ZNF48: variants seen among roughly 807,000 people sequenced by gnomAD.
ZNF48 encodes the protein zinc finger protein 48.
A neutral mutation model predicts 40.0 loss-of-function variants in ZNF48; 20 were observed. The observed-to-expected ratio is 0.50, with a 90% CI of 0.35 to 0.73. The LOEUF (loss-of-function observed/expected upper bound fraction) is 0.73, where lower values mean the gene tolerates loss of function less well. Among genes scored for constraint, ZNF48 ranks in the 30% least tolerant of loss-of-function variants. The pLI is 0.01. For synonymous variants in ZNF48, 298 were observed against 329.7 expected, an observed-to-expected ratio of 0.90 and a Z score of 1.04; for missense variants, 726 against 851.9, an observed-to-expected ratio of 0.85 and a Z score of 1.84.
chr16:30,397,426 A>T lies in ZNF48; in HGVS notation c.176A>T (p.Asp59Val). ...LGFKEEDLAP[D>V]HEVGNASLKP... is the part of the protein sequence containing the mutation. ...TTCAAGGAAGAAGATTTGGCTCCAG[A>T]TCATGAAGTAGGAAATGCCTCTCTC... is the stretch of plus-strand genomic sequence containing the variant. The change falls in exon 3 of 3, where the codon GAT becomes GTT. Residue 59 changes from aspartate to valine, a missense_variant. Coordinates refer to ENST00000613509, the MANE Select transcript of ZNF48 (RefSeq NM_001214909.2). The surrounding 1 kb of genome is among the most constrained non-coding windows in gnomAD (Gnocchi z 4.1). 1 of 1,614,120 alleles carries T rather than the reference A, an allele frequency of 6.2e-7. No homozygotes were observed. The highest frequency in any genetic ancestry group is 8.5e-7 in the Non-Finnish European group (1 of 1,180,014).
In ZNF48 at chr16:30,382,730, C is replaced by T. The variant is rs1008877214; in HGVS notation, c.-16+4320C>T. ...GACCCCTTTGCCCATCACCTGTCTA[C>T]GTACCTTCAACCCTCCATCCTTCAC... On this transcript the variant is annotated intron_variant, in intron 1 of 2. Transcript: ENST00000528032. This position sits in a 1 kb window ranked among gnomAD's most constrained non-coding sequence, Gnocchi z 4.8. 16 of 1,536,146 alleles carry T rather than the reference C, an allele frequency of 1.0e-5. No individual in the cohort carries two copies. The highest frequency in any genetic ancestry group is 3.3e-4 in the Middle Eastern group (2 of 6,010).
Position 30,382,550 on chromosome 16 carries a change from C to T in ZNF48, c.-16+4140C>T, listed in dbSNP as rs1412061314. Reference sequence around the variant, plus strand: ...CATGACTCCGCCAGCCATCACTGCACCTGCCGTCTCTCCCCACTTCCTCTG... The same window carrying T: ...CATGACTCCGCCAGCCATCACTGCATCTGCCGTCTCTCCCCACTTCCTCTG... On this transcript the variant is annotated intron_variant, in intron 1 of 2. Transcript: ENST00000528032. The surrounding 1 kb of genome is among the most constrained non-coding windows in gnomAD (Gnocchi z 4.8). The T allele has an allele frequency of 1.9e-6, 3 of 1,590,544 alleles. No homozygotes were observed. Among genetic ancestry groups the T allele is most frequent in the Admixed American group, 1.8e-5 (1 of 55,656 alleles).
At chr16:30,394,347 T>A (rs985689273), upstream of ZNF48, among the ~76,000 whole-genome samples, 2 of 152,118 alleles carry the variant, frequency 1.3e-5, no homozygotes, top group Non-Finnish European at 2.9e-5. Context: ...ACCCCCACCA[T>A]CATTGGCAGA....
In ZNF48 at chr16:30,382,898, G is replaced by T; in HGVS notation, c.-16+4488G>T. 2 of 1,004,818 alleles carry T rather than the reference G, an allele frequency of 2.0e-6. No individual in the cohort carries two copies. The highest frequency in any genetic ancestry group is 3.0e-6 in the Non-Finnish European group (2 of 663,178). The allele number at this position is 1,004,818 out of a possible 1,614,324, so 62.2% of individuals were successfully genotyped here. On this transcript the variant is annotated intron_variant, in intron 1 of 2. Transcript: ENST00000528032. This position sits in a 1 kb window ranked among gnomAD's most constrained non-coding sequence, Gnocchi z 4.8. Reference sequence around the variant, plus strand: ...GATTAGAAAACAGTTCCCAGGACGGGCAAGGTGGCTCTCGCCTGTAATCTC... The same window carrying T: ...GATTAGAAAACAGTTCCCAGGACGGTCAAGGTGGCTCTCGCCTGTAATCTC...
intron 1 of ZNF48, among the ~76,000 whole-genome samples, chr16:30,385,774 C>G (rs967030159): frequency 3.3e-5 from 5 of 151,978 alleles, no homozygotes; most frequent in Non-Finnish European, 5.9e-5. Flanking sequence ...GGGTTCAGAC[C>G]CTGATCAACT....
Position 30,381,608 on chromosome 16 carries a change from T to C in ZNF48, c.-16+3198T>C. The C allele has an allele frequency of 6.9e-7, 1 of 1,453,378 alleles. No individual in the cohort carries two copies. The highest frequency in any genetic ancestry group is 9.4e-7 in the Non-Finnish European group (1 of 1,061,552). 90.0% of individuals were successfully genotyped at this position (1,453,378 alleles called of 1,614,324 possible). A position where few individuals can be genotyped will look rare whatever the true frequency, so the allele number is the denominator to read the frequency against. On this transcript the variant is annotated intron_variant, in intron 1 of 2. Coordinates refer to the ZNF48 transcript ENST00000528032. This position sits in a 1 kb window ranked among gnomAD's most constrained non-coding sequence, Gnocchi z 4.3. ...ACATTAAGGGGAACTGGTGGGGGCC[T>C]AGGTGAGTCATCAAGAAGCACAGGG...
upstream of ZNF48, chr16:30,394,463 C>G (rs1446931890): frequency 6.6e-6 from 1 of 152,336 alleles, no homozygotes; most frequent in African/African-American, 2.4e-5. Flanking sequence ...GGAAACACAG[C>G]TCCAGCCAGG....
exon 1 of ZNF48, chr16:30,378,396 GA>G: frequency 6.6e-7 from 1 of 1,522,742 alleles, no homozygotes; most frequent in Non-Finnish European, 8.7e-7. Context: ...GAGGCCGACT[GA>G]AGGCGGAGCC....
In ZNF48 at chr16:30,381,164, G is replaced by A; in HGVS notation, c.-16+2754G>A. ...GGCCTGGGTTTCCTGGGGCATCAGAGCATCCGCTTTGCCAATGACTGGGAT... is the reference window on the plus strand; with the variant it reads ...GGCCTGGGTTTCCTGGGGCATCAGAACATCCGCTTTGCCAATGACTGGGAT... On this transcript the variant is annotated intron_variant, in intron 1 of 2. Coordinates refer to the ZNF48 transcript ENST00000528032. This position sits in a 1 kb window ranked among gnomAD's most constrained non-coding sequence, Gnocchi z 4.3. 1 of 1,614,102 alleles carries A rather than the reference G, an allele frequency of 6.2e-7. No homozygotes were observed. Among genetic ancestry groups the A allele is most frequent in the Non-Finnish European group, 8.5e-7 (1 of 1,179,990 alleles).
At position 30,397,287 on chromosome 16, in the gene ZNF48, C is replaced by G. The variant is rs370123560; in HGVS notation, c.80-43C>G. On this transcript the variant is annotated intron_variant, in intron 2 of 2. Transcript: ENST00000613509. This position sits in a 1 kb window ranked among gnomAD's most constrained non-coding sequence, Gnocchi z 4.1. The stretch of plus-strand genomic sequence containing the variant: ...AGAGGTTGCTGTCAAAGATAAGTAC[C>G]GAGCCAAAGGGGAGGGTCTACAACT... 6.5e-7 allele frequency: 1 copy of G among 1,548,234 alleles called. No individual in the cohort carries two copies. Among genetic ancestry groups the G allele is most frequent in the South Asian group, 1.2e-5 (1 of 80,374 alleles).
chr16:30,396,009 C>A (rs935887360), intron 2 of ZNF48, 136 bp downstream of exon 2: 1 of 931,298 alleles, frequency 1.1e-6, no homozygotes, highest in Non-Finnish European at 1.5e-6. Context: ...GGGGAGCTTT[C>A]GGAGCACCAA....
chr16:30,379,022 G>A, intron 1 of ZNF48: 2 of 1,612,742 alleles, frequency 1.2e-6, no homozygotes, highest in African/African-American at 1.3e-5. Context: ...TCTCACCTGC[G>A]GCTGGCTCGA....
intron 1 of ZNF48, chr16:30,378,742 C>G (rs920161834): frequency 6.4e-7 from 1 of 1,568,070 alleles, no homozygotes; most frequent in Non-Finnish European, 8.6e-7. Flanking sequence ...GGAGCGGGAC[C>G]TGAGGTTGTG....
rs1318905615 is a variant in ZNF48, at chr16:30,397,011, C to G, written c.80-319C>G. 6.6e-6 allele frequency among the ~76,000 whole-genome samples: 1 copy of G among 152,066 alleles called. No homozygotes were observed. The highest frequency in any genetic ancestry group is 6.6e-5 in the Admixed American group (1 of 15,230). On this transcript the variant is annotated intron_variant, in intron 2 of 2. Transcript: ENST00000613509. This position sits in a 1 kb window ranked among gnomAD's most constrained non-coding sequence, Gnocchi z 4.1. ...TGGCCTGGCTTTGCTACTTTCTAAC[C>G]TTTATAACCTCCAGCAAAAGGACTT...
rs371774163 is a variant in ZNF48, at chr16:30,381,851, G to A, written c.-16+3441G>A. 34 of 1,614,042 alleles carry A rather than the reference G, an allele frequency of 2.1e-5. No individual in the cohort carries two copies. Among genetic ancestry groups the A allele is most frequent in the Middle Eastern group, 1.6e-4 (1 of 6,084 alleles). On this transcript the variant is annotated intron_variant, in intron 1 of 2. Coordinates refer to the ZNF48 transcript ENST00000528032. The surrounding 1 kb of genome is among the most constrained non-coding windows in gnomAD (Gnocchi z 4.3). ...CCCCCTTCCTCAATCTCTACGCCCC[G>A]GCGCTCAATGGCCAGGGTCTGTGTC...
rs760747046 is a variant in ZNF48 at position 30,381,897 on chromosome 16, G to T, written c.-16+3487G>T. 6.2e-7 allele frequency: 1 copy of T among 1,613,964 alleles called. No individual in the cohort carries two copies. The highest frequency in any genetic ancestry group is 8.5e-7 in the Non-Finnish European group (1 of 1,179,968). ...GTGTCAAGCGAGCTGTGGGATGGGG[G>T]AGAGGTCAGGGATCCGGGGAGGCTC... On this transcript the variant is annotated intron_variant, in intron 1 of 2. Coordinates refer to the ZNF48 transcript ENST00000528032. This position sits in a 1 kb window ranked among gnomAD's most constrained non-coding sequence, Gnocchi z 4.3.
chr16:30,396,269 A>T (rs1173176250), intron 2 of ZNF48, among the ~76,000 whole-genome samples: 2 of 152,118 alleles, frequency 1.3e-5, no homozygotes, highest in African/African-American at 4.8e-5. Context: ...TAAAAGCCTT[A>T]GCTAGTGTCC....
chr16:30,388,502 G>A (rs2049917764), intron 1 of ZNF48, among the ~76,000 whole-genome samples: 1 of 152,084 alleles, frequency 6.6e-6, no homozygotes, highest in African/African-American at 2.4e-5. Flanking sequence ...TACAGCCACT[G>A]CACCCGGCCC....
Position 30,381,700 on chromosome 16 carries a change from ACT to A in ZNF48, c.-16+3294_-16+3295del. On this transcript the variant is annotated intron_variant, in intron 1 of 2. Transcript: ENST00000528032. This position sits in a 1 kb window ranked among gnomAD's most constrained non-coding sequence, Gnocchi z 4.3. ...GGAGCCAGCACAAACCAGTCCTGTAACTCTCCAGGGAGTCGCCACTGTGAAAG... is the reference window on the plus strand; with the variant it reads ...GGAGCCAGCACAAACCAGTCCTGTAACTCCAGGGAGTCGCCACTGTGAAAG... 1 of 1,600,354 alleles carries A rather than the reference ACT, an allele frequency of 6.2e-7. No individual in the cohort carries two copies. Among genetic ancestry groups the A allele is most frequent in the Non-Finnish European group, 8.5e-7 (1 of 1,173,370 alleles).
Sources: allele counts gnomAD v4.1 joint callset (sites outside exome capture counted in the v4.1 genomes callset), GRCh38; gene constraint gnomAD v4.1.1; non-coding constraint Gnocchi (gnomAD v3.1); transcripts MANE v1.5; gene names NCBI Gene and HGNC (gene_info 2026-07-23, HGNC 2026-07-21).